KDM5A: variants seen among roughly 807,000 people sequenced by gnomAD.
The protein encoded by KDM5A is lysine demethylase 5A.
Under a neutral mutation model 193.5 loss-of-function variants are expected in KDM5A, and 42 were observed. That is an observed-to-expected ratio of 0.22 (90% CI 0.17 to 0.28). The LOEUF is 0.28. Among genes scored for constraint, KDM5A ranks in the 10% least tolerant of loss-of-function variants. The probability of loss-of-function intolerance (pLI) is 1.00; values close to 1 mark genes in which losing one functional copy is unlikely to be tolerated. For synonymous variants in KDM5A, 796 were observed against 718.1 expected (o/e 1.11, Z -1.73); for missense variants, 1,692 against 2,055.1 (o/e 0.82, Z 3.42).
intron 5 of KDM5A, among the ~76,000 whole-genome samples, chr12:356,758 C>A: frequency 6.6e-6 from 1 of 152,304 alleles, no homozygotes; most frequent in East Asian, 1.9e-4. Flanking sequence ...TCGTGTATGA[C>A]TCATAAAAGC....
Position 282,261 on chromosome 12 carries a change from T to A in KDM5A, c.*3195A>T, listed in dbSNP as rs1368561310. The A allele has an allele frequency of 4.2e-6, 1 of 238,064 alleles. No individual in the cohort carries two copies. Among genetic ancestry groups the A allele is most frequent in the Non-Finnish European group, 8.3e-6 (1 of 120,856 alleles). 14.7% of individuals were successfully genotyped at this position (238,064 alleles called of 1,614,324 possible). A position where few individuals can be genotyped will look rare whatever the true frequency, so the allele number is the denominator to read the frequency against. On this transcript the variant is annotated 3_prime_UTR_variant, in exon 28 of 28. Transcript: ENST00000399788. The stretch of plus-strand genomic sequence containing the variant: ...TTGAAGCAATCTTCCCACTTCAGCC[T>A]CCTGACCACAGGTGCACTCTACTGC...
intron 1 of KDM5A, chr12:388,135 C>G (rs931757558): frequency 2.8e-6 from 1 of 355,430 alleles, no homozygotes; most frequent in South Asian, 2.1e-5. Context: ...AAGCACTGGT[C>G]TAATGAGTAA....
chr12:371,401 T>C (rs977652417), intron 3 of KDM5A, among the ~76,000 whole-genome samples: 4 of 152,222 alleles, frequency 2.6e-5, no homozygotes, highest in South Asian at 2.1e-4. Flanking sequence ...GTTGGCTGCA[T>C]AGATGTCTGC....
intron 3 of KDM5A, among the ~76,000 whole-genome samples, chr12:377,549 C>T (rs547949379): frequency 1.3e-5 from 2 of 152,112 alleles, no homozygotes; most frequent in East Asian, 3.9e-4. Context: ...ACCAACAAGA[C>T]AATGGAGTAA....
intron 19 of KDM5A, among the ~76,000 whole-genome samples, chr12:313,424 A>G (rs951549259): frequency 2.0e-5 from 3 of 152,182 alleles, no homozygotes; most frequent in Non-Finnish European, 4.4e-5. Flanking sequence ...ATAAATTTTT[A>G]TGGATAAGAA....
Position 281,090 on chromosome 12 carries a change from A to G in KDM5A, c.*4366T>C. ...GGTTAGGGTGGGTATGGGTGTGGGG[A>G]ACCTGAGCATACACACAATTTTTTA... is the stretch of plus-strand genomic sequence containing the variant. On this transcript the variant is annotated 3_prime_UTR_variant, in exon 28 of 28. Transcript: ENST00000399788. 1 of 232,978 alleles carries G rather than the reference A, an allele frequency of 4.3e-6. No individual in the cohort carries two copies. Among genetic ancestry groups the G allele is most frequent in the Non-Finnish European group, 8.5e-6 (1 of 117,890 alleles). The allele number at this position is 232,978 out of a possible 1,614,324, so 14.4% of individuals were successfully genotyped here. A position where few individuals can be genotyped will look rare whatever the true frequency, so the allele number is the denominator to read the frequency against.
At chr12:303,370 G>C (rs188825104) in intron 24 of KDM5A, among the ~76,000 whole-genome samples, 443 of 152,298 alleles carry the variant, frequency 2.9e-3, no homozygotes, top group Non-Finnish European at 1.7e-3. Flanking sequence ...CAGAGACATG[G>C]ATGAAGCTGG....
chr12:385,086 G>A (rs1207713521), intron 2 of KDM5A, among the ~76,000 whole-genome samples: 2 of 151,706 alleles, frequency 1.3e-5, no homozygotes, highest in African/African-American at 2.4e-5. Flanking sequence ...GGGAGGCTAA[G>A]GCAGGAGAAT....
chr12:339,798 C>T (rs1037652015), intron 10 of KDM5A, among the ~76,000 whole-genome samples: 1 of 151,900 alleles, frequency 6.6e-6, no homozygotes, highest in African/African-American at 2.4e-5. Context: ...AAATTCAGAA[C>T]CTTGTATAAC....
chr12:305,146 G>A (rs1483023674), intron 24 of KDM5A, among the ~76,000 whole-genome samples: 2 of 152,120 alleles, frequency 1.3e-5, no homozygotes, highest in East Asian at 1.9e-4. Flanking sequence ...AGAACTGTAC[G>A]CAACTGTAAT....
At chr12:383,885 A>AT (rs1944608075) in intron 3 of KDM5A, 146 bp downstream of exon 3, 5 of 874,800 alleles carry the variant, frequency 5.7e-6, no homozygotes. Context: ...AGTAGCTGGG[A>AT]TTACAGGCAT....
chr12:363,837 T>G (rs1944320616), intron 4 of KDM5A, among the ~76,000 whole-genome samples: 2 of 152,008 alleles, frequency 1.3e-5, no homozygotes, highest in South Asian at 2.1e-4. Context: ...GGAGAAAATA[T>G]CTGCAAATCA....
At chr12:350,849 A>C in intron 9 of KDM5A, 70 bp from the exon 10 acceptor site, 1 of 1,349,290 alleles carries the variant, frequency 7.4e-7, no homozygotes, top group Middle Eastern at 2.0e-4. Context: ...CATAATACAC[A>C]GGATCAAGTA....
intron 24 of KDM5A, among the ~76,000 whole-genome samples, chr12:303,072 T>C (rs1056987552): frequency 6.6e-6 from 1 of 151,984 alleles, no homozygotes; most frequent in Non-Finnish European, 1.5e-5. Flanking sequence ...TTGGTGGGAG[T>C]GTCAATTAGT....
At chr12:350,443 AAAAG>A (rs1471704938) in intron 10 of KDM5A, among the ~76,000 whole-genome samples, 174 bp downstream of exon 10, 2 of 152,086 alleles carry the variant, frequency 1.3e-5, no homozygotes, top group Non-Finnish European at 2.9e-5. Context: ...AAAAAAAAAA[AAAAG>A]AGTTAAATAA....
Position 370,621 on chromosome 12 carries a change from T to C in KDM5A, c.367-4517A>G, listed in dbSNP as rs544437346. Among the ~76,000 whole-genome samples the C allele has an allele frequency of 2.7e-3, 404 of 152,298 alleles. 2 individuals carry two copies. The highest frequency in any genetic ancestry group is 9.3e-3 in the African/African-American group (388 of 41,576). ...AGCTGGGAACAGAGACTTTTTTTTTTTTTAATTATACTTTAAGTTCTAGGG... is the reference window on the plus strand; with the variant it reads ...AGCTGGGAACAGAGACTTTTTTTTTCTTTAATTATACTTTAAGTTCTAGGG... On this transcript the variant is annotated intron_variant, in intron 3 of 27. Coordinates refer to ENST00000399788, the MANE Select transcript of KDM5A (RefSeq NM_001042603.3).
intron 10 of KDM5A, among the ~76,000 whole-genome samples, chr12:349,735 T>C (rs1944128459): frequency 6.6e-6 from 1 of 152,092 alleles, no homozygotes; most frequent in African/African-American, 2.4e-5. Context: ...AGACAGGTTT[T>C]TCTTCTGTCA....
chr12:388,264 G>A (rs1247847550), intron 1 of KDM5A: 2 of 455,888 alleles, frequency 4.4e-6, no homozygotes, highest in East Asian at 6.9e-5. Flanking sequence ...AACCTTATAG[G>A]CAAACCTAGT....
chr12:296,762 T>C (rs193188190), intron 25 of KDM5A, among the ~76,000 whole-genome samples: 61 of 152,348 alleles, frequency 4.0e-4, no homozygotes, highest in African/African-American at 1.4e-3. Flanking sequence ...AAGGACTACC[T>C]ATCCGGAATT....
Sources: gnomAD v4.1 joint callset for allele counts (sites outside exome capture counted in the v4.1 genomes callset) on GRCh38, gnomAD v4.1.1 for gene constraint, MANE v1.5 for transcripts, NCBI Gene and HGNC (gene_info 2026-07-23, HGNC 2026-07-21) for gene names.